ELAVL4: variants seen among roughly 807,000 people sequenced by gnomAD.
The protein encoded by ELAVL4 is ELAV like RNA binding protein 4.
In ELAVL4, 1 loss-of-function variant was observed where a neutral mutation model predicts 35.6. That is an observed-to-expected ratio of 0.03 (90% confidence interval 0.01 to 0.13). The LOEUF (loss-of-function observed/expected upper bound fraction) is 0.13. Among genes scored for constraint, ELAVL4 ranks in the 10% least tolerant of loss-of-function variants. The pLI, the probability that ELAVL4 is intolerant of heterozygous loss-of-function variation, is 1.00. For missense variants in ELAVL4, 267 were observed against 464.9 expected, an observed-to-expected ratio of 0.57 and a Z score of 3.91; for synonymous variants, 156 against 171.0, an observed-to-expected ratio of 0.91 and a Z score of 0.69.
chr1:50,078,096 AAT>A (rs1169031897), intron 1 of ELAVL4, among the ~76,000 whole-genome samples: 1 of 145,676 alleles, frequency 6.9e-6, no homozygotes, highest in Non-Finnish European at 1.5e-5. Context: ...TTAGTATACA[AAT>A]ATATACCTTG....
chr1:50,126,022 G>C (rs1669845772), intron 1 of ELAVL4, among the ~76,000 whole-genome samples: 1 of 152,014 alleles, frequency 6.6e-6, no homozygotes, highest in Non-Finnish European at 1.5e-5. Flanking sequence ...ACCTGAATCG[G>C]GGCCCGGCAC....
chr1:50,090,832 T>C (rs1237988801), intron 1 of ELAVL4, among the ~76,000 whole-genome samples: 7 of 152,238 alleles, frequency 4.6e-5, no homozygotes. Context: ...CCCACTGTAT[T>C]CTAGCTGTAT....
intron 1 of ELAVL4, among the ~76,000 whole-genome samples, chr1:50,128,129 A>C (rs1360117081): frequency 1.3e-5 from 2 of 152,084 alleles, no homozygotes; most frequent in African/African-American, 2.4e-5. Context: ...ATAAAATATG[A>C]GTTTAGGCCT....
At chr1:50,066,327 T>C (rs1304356153) in intron 1 of ELAVL4, among the ~76,000 whole-genome samples, 1 of 152,202 alleles carries the variant, frequency 6.6e-6, no homozygotes. Flanking sequence ...TGAAACCTTT[T>C]TCTTGTCCTT....
intron 2 of ELAVL4, among the ~76,000 whole-genome samples, chr1:50,156,572 T>TA (rs1254063892): frequency 1.3e-5 from 2 of 152,174 alleles, no homozygotes; most frequent in African/African-American, 2.4e-5. Context: ...AATGGAAACT[T>TA]ACGTTTACTA....
At chr1:50,182,540 T>G (rs901537602) in intron 3 of ELAVL4, among the ~76,000 whole-genome samples, 1 of 152,224 alleles carries the variant, frequency 6.6e-6, no homozygotes, top group East Asian at 1.9e-4. Context: ...CTGTTTGATA[T>G]TGGGGTTGGG....
At chr1:50,153,039 C>G (rs1024164135) in intron 2 of ELAVL4, among the ~76,000 whole-genome samples, 1 of 152,110 alleles carries the variant, frequency 6.6e-6, no homozygotes, top group African/African-American at 2.4e-5. Context: ...GCTGCAGGAC[C>G]AACGAGCCAG....
chr1:50,103,980 G>A (rs763721261), upstream of ELAVL4: 22 of 1,613,924 alleles, frequency 1.4e-5, no homozygotes, highest in Middle Eastern at 1.6e-4. Flanking sequence ...AAAATGAGCC[G>A]GCTACAGTCA....
At chr1:50,076,798 G>A (rs1664786006) in intron 1 of ELAVL4, among the ~76,000 whole-genome samples, 2 of 152,156 alleles carry the variant, frequency 1.3e-5, no homozygotes, top group Non-Finnish European at 2.9e-5. Flanking sequence ...GGGGTATAAT[G>A]CCTGAACCAT....
In ELAVL4 at chr1:50,187,651, A is replaced by G. The variant is rs529758636; in HGVS notation, c.355-6114A>G. Among the ~76,000 whole-genome samples the G allele has an allele frequency of 2.0e-5, 3 of 152,332 alleles. No individual in the cohort carries two copies. In the East Asian group the frequency reaches 5.8e-4, roughly 29 times the overall value. ...ATTTGTCTCAAAATATAGTTACCCAATACTCTAACTAGCACCTATCAATGA... is the reference window on the plus strand; with the variant it reads ...ATTTGTCTCAAAATATAGTTACCCAGTACTCTAACTAGCACCTATCAATGA... On this transcript the variant is annotated intron_variant, in intron 3 of 6. Coordinates refer to ENST00000371824, the MANE Select transcript of ELAVL4 (RefSeq NM_001144774.3).
At chr1:50,066,771 A>C (rs969625832) in intron 1 of ELAVL4, among the ~76,000 whole-genome samples, 1 of 152,132 alleles carries the variant, frequency 6.6e-6, no homozygotes, top group African/African-American at 2.4e-5. Flanking sequence ...TACTCTCTAC[A>C]CAAAAGCATT....
upstream of ELAVL4, among the ~76,000 whole-genome samples, chr1:50,104,834 G>A (rs1557704375): frequency 6.6e-6 from 1 of 152,198 alleles, no homozygotes; most frequent in Non-Finnish European, 1.5e-5. Context: ...ATCACTTGGA[G>A]CTTTCAACTT....
intron 2 of ELAVL4, among the ~76,000 whole-genome samples, chr1:50,159,640 T>C (rs766283096): frequency 3.9e-5 from 6 of 152,016 alleles, no homozygotes; most frequent in Non-Finnish European, 8.8e-5. Flanking sequence ...GGGCTCTTTT[T>C]ATCAGTACTT....
chr1:50,100,146 A>G (rs558616087), upstream of ELAVL4, among the ~76,000 whole-genome samples: 1 of 152,318 alleles, frequency 6.6e-6, no homozygotes, highest in African/African-American at 2.4e-5. Flanking sequence ...CAGTTAAATT[A>G]TGTAATCTCT....
At chr1:50,063,827 C>A (rs1341385626) in intron 1 of ELAVL4, among the ~76,000 whole-genome samples, 2 of 152,214 alleles carry the variant, frequency 1.3e-5, no homozygotes, top group Non-Finnish European at 2.9e-5. Context: ...GAACCTCTTA[C>A]TGGACCTGGA....
chr1:50,124,586 A>T (rs1318326293), intron 1 of ELAVL4, among the ~76,000 whole-genome samples: 2 of 152,110 alleles, frequency 1.3e-5, no homozygotes, highest in Non-Finnish European at 2.9e-5. Context: ...ATCCCTTAAA[A>T]GGTAGGAATT....
chr1:50,147,203 AT>A (rs1673878188), intron 2 of ELAVL4, among the ~76,000 whole-genome samples: 1 of 152,122 alleles, frequency 6.6e-6, no homozygotes, highest in Non-Finnish European at 1.5e-5. Flanking sequence ...GGCCCAAAAA[AT>A]TTTTATTTGT....
intron 2 of ELAVL4, among the ~76,000 whole-genome samples, chr1:50,165,249 C>T (rs1451339629): frequency 6.6e-6 from 1 of 152,072 alleles, no homozygotes; most frequent in East Asian, 1.9e-4. Context: ...AGGGCCTTTG[C>T]ACATGAGATT....
intron 1 of ELAVL4, among the ~76,000 whole-genome samples, chr1:50,136,875 G>A (rs1190957740): frequency 6.6e-6 from 1 of 152,178 alleles, no homozygotes; most frequent in African/African-American, 2.4e-5. Flanking sequence ...AGGTGTACAA[G>A]AACCCTGCAC....
Sources: allele counts gnomAD v4.1 joint callset (sites outside exome capture counted in the v4.1 genomes callset), GRCh38; gene constraint gnomAD v4.1.1; transcripts MANE v1.5; gene names NCBI Gene and HGNC (gene_info 2026-07-23, HGNC 2026-07-21).